The following TTBK2 variants were observed in gnomAD, a reference collection of about 807,000 sequenced individuals.
TTBK2 encodes tau tubulin kinase 2.
TTBK2 carries 28 observed loss-of-function variants against 110.8 expected under a neutral mutation model. The observed-to-expected ratio is 0.25, with a 90% CI of 0.19 to 0.35. TTBK2 has a LOEUF of 0.35. Among genes scored for constraint, TTBK2 ranks in the 10% least tolerant of loss-of-function variants. The pLI is 1.00. For missense variants in TTBK2, 1,369 were observed against 1,500.3 expected, an observed-to-expected ratio of 0.91 and a Z score of 1.45; for synonymous variants, 532 against 527.3, an observed-to-expected ratio of 1.01 and a Z score of -0.12.
At chr15:42,869,699 T>C (rs1229571176) in intron 3 of TTBK2, among the ~76,000 whole-genome samples, 1 of 152,144 alleles carries the variant, frequency 6.6e-6, no homozygotes, top group East Asian at 1.9e-4. Flanking sequence ...TTCAGAGATG[T>C]ATCTCTGAAA....
At chr15:42,823,476 A>T (rs1192771020) in intron 6 of TTBK2, among the ~76,000 whole-genome samples, 2 of 152,236 alleles carry the variant, frequency 1.3e-5, no homozygotes, top group Admixed American at 1.3e-4. Context: ...ACACTGGTAT[A>T]ACAGATACAC....
chr15:42,756,704 T>C (rs772735518), intron 13 of TTBK2, among the ~76,000 whole-genome samples: 1 of 151,898 alleles, frequency 6.6e-6, no homozygotes, highest in African/African-American at 2.4e-5. Flanking sequence ...CACATACATA[T>C]GGTATAAAAA....
chr15:42,872,205 G>A (rs1356620969), intron 3 of TTBK2, among the ~76,000 whole-genome samples: 4 of 152,170 alleles, frequency 2.6e-5, no homozygotes, highest in Non-Finnish European at 5.9e-5. Flanking sequence ...CCTGCAGTGT[G>A]ATTTGAAGGC....
intron 1 of TTBK2, among the ~76,000 whole-genome samples, chr15:42,907,494 G>A (rs1162136030): frequency 3.3e-5 from 5 of 152,128 alleles, no homozygotes; most frequent in Non-Finnish European, 7.4e-5. Flanking sequence ...TCAAAAGAAT[G>A]AAATGCTGTT....
At chr15:42,815,932 AT>A (rs1567040411) in intron 7 of TTBK2, among the ~76,000 whole-genome samples, 24 of 28,714 alleles carry the variant, frequency 8.4e-4, no homozygotes, top group African/African-American at 5.0e-3. Context: ...ATATTTAAAA[AT>A]ATATATATAT....
intron 13 of TTBK2, among the ~76,000 whole-genome samples, chr15:42,763,129 T>TATATACAC (rs1567008550): frequency 1.3e-4 from 13 of 98,222 alleles, no homozygotes; most frequent in African/African-American, 6.8e-4. Flanking sequence ...CACATATATA[T>TATATACAC]ACATATATAC....
chr15:42,763,143 C>CATAT (rs1225785018), intron 13 of TTBK2, among the ~76,000 whole-genome samples: 3 of 51,144 alleles, frequency 5.9e-5, no homozygotes, highest in Non-Finnish European at 9.2e-5. Context: ...TATATACATA[C>CATAT]ATATATATAT....
At position 42,746,124 on chromosome 15, in the gene TTBK2, T is replaced by C. The variant is rs2061792111; in HGVS notation, c.3406A>G (p.Asn1136Asp). The change falls in exon 15 of 15, where the codon AAT becomes GAT. Residue 1136 changes from asparagine to aspartate, a missense_variant. By Grantham distance (23) the Asn-to-Asp change is conservative. Around this residue, in one of 4 missense-constraint regions of TTBK2, gnomAD observed 1,097 missense variants for 1,114.7 expected, o/e 0.98. Coordinates refer to ENST00000267890, the MANE Select transcript of TTBK2 (RefSeq NM_173500.4). ...TQCKSPGSPH[N>D]PKTPPKSPVV... ...GGACTCTTGGGTGGTGTTTTTGGAT[T>C]GTGAGGAGATCCTGGACTCTTGCAC... The C allele has an allele frequency of 1.5e-5, 25 of 1,614,104 alleles. No homozygotes were observed. Among genetic ancestry groups the C allele is most frequent in the Non-Finnish European group, 2.0e-5 (24 of 1,180,008 alleles).
At chr15:42,827,790 ATAATT>A in intron 6 of TTBK2, 133 bp downstream of exon 6, 2 of 729,190 alleles carry the variant, frequency 2.7e-6, no homozygotes, top group Middle Eastern at 4.0e-4. Context: ...TTGTCATTCT[ATAATT>A]TAATCATTAA....
intron 11 of TTBK2, among the ~76,000 whole-genome samples, chr15:42,780,593 C>G (rs914042731): frequency 1.9e-4 from 29 of 151,874 alleles, no homozygotes; most frequent in Admixed American, 7.9e-4. Flanking sequence ...AAAATACCAA[C>G]AAAATCTGTA....
intron 2 of TTBK2, among the ~76,000 whole-genome samples, chr15:42,876,562 A>T (rs533273244): frequency 6.6e-6 from 1 of 152,218 alleles, no homozygotes; most frequent in Non-Finnish European, 1.5e-5. Context: ...TGACTTACCT[A>T]ATCAGTAAAA....
At chr15:42,825,953 T>C (rs1441133886) in intron 6 of TTBK2, among the ~76,000 whole-genome samples, 1 of 152,100 alleles carries the variant, frequency 6.6e-6, no homozygotes, top group African/African-American at 2.4e-5. Context: ...TTAACCTAGA[T>C]GGAGGCCAGT....
chr15:42,799,914 C>T (rs8035752), intron 9 of TTBK2, among the ~76,000 whole-genome samples: 67,892 of 151,756 alleles, frequency 0.45, 19,534 homozygotes, highest in African/African-American at 0.82. Context: ...CTAGGCAACA[C>T]GGTGAAACCC....
chr15:42,841,347 C>A (rs1283550512), intron 3 of TTBK2, among the ~76,000 whole-genome samples: 1 of 151,922 alleles, frequency 6.6e-6, no homozygotes, highest in East Asian at 1.9e-4. Flanking sequence ...GTAGCTGGGA[C>A]TAGAGGTGTG....
intron 9 of TTBK2, among the ~76,000 whole-genome samples, chr15:42,808,913 G>C (rs1041054133): frequency 1.3e-5 from 2 of 152,088 alleles, no homozygotes; most frequent in African/African-American, 4.8e-5. Flanking sequence ...ATCAAATTCA[G>C]GAATGAATCT....
At chr15:42,913,432 G>C (rs1223432084) in intron 1 of TTBK2, among the ~76,000 whole-genome samples, 1 of 152,064 alleles carries the variant, frequency 6.6e-6, no homozygotes, top group Non-Finnish European at 1.5e-5. Flanking sequence ...GGGGTCAGGA[G>C]ATCGAGACCA....
intron 7 of TTBK2, among the ~76,000 whole-genome samples, chr15:42,812,171 C>G (rs1019840196): frequency 3.9e-5 from 6 of 152,024 alleles, no homozygotes; most frequent in Admixed American, 3.9e-4. Flanking sequence ...AGTTTATCAA[C>G]CAGGAAGGGG....
chr15:42,890,947 CA>C, intron 1 of TTBK2, among the ~76,000 whole-genome samples: 1 of 152,292 alleles, frequency 6.6e-6, no homozygotes, highest in Middle Eastern at 3.4e-3. Flanking sequence ...TGGCTCACTG[CA>C]ACCTCTGCCT....
chr15:42,779,629 G>A (rs1191357667), intron 11 of TTBK2, among the ~76,000 whole-genome samples: 1 of 152,092 alleles, frequency 6.6e-6, no homozygotes, highest in Non-Finnish European at 1.5e-5. Flanking sequence ...GAAAGGAAAT[G>A]GTAAACGTCT....
Sources: gnomAD v4.1 joint callset for allele counts (sites outside exome capture counted in the v4.1 genomes callset) on GRCh38, gnomAD v4.1.1 for gene constraint, gnomAD v4.1.1 regional missense constraint, MANE v1.5 for transcripts, NCBI Gene and HGNC (gene_info 2026-07-23, HGNC 2026-07-21) for gene names.